ELAPOR1: variants seen among roughly 807,000 people sequenced by gnomAD.
The protein encoded by ELAPOR1 is endosome-lysosome associated apoptosis and autophagy regulator 1.
In ELAPOR1, 77 loss-of-function variants were observed where a neutral mutation model predicts 119.7. The observed-to-expected ratio is 0.64, with a 90% CI of 0.54 to 0.78. ELAPOR1 has a LOEUF of 0.78. ELAPOR1 is among the 30% of genes least tolerant of loss of function. The pLI, the probability that ELAPOR1 is intolerant of heterozygous loss-of-function variation, is 0.00. For missense variants in ELAPOR1, 1,115 were observed against 1,270.4 expected, an observed-to-expected ratio of 0.88 and a Z score of 1.86; for synonymous variants, 481 against 487.2, an observed-to-expected ratio of 0.99 and a Z score of 0.17.
intron 1 of ELAPOR1, among the ~76,000 whole-genome samples, chr1:109,145,074 TG>T (rs1650094101): frequency 6.6e-6 from 1 of 152,016 alleles, no homozygotes. Flanking sequence ...GGGGAAAGGG[TG>T]GGGCCTTTAA....
At chr1:109,137,156 G>T (rs1649524163) in intron 1 of ELAPOR1, among the ~76,000 whole-genome samples, 1 of 152,142 alleles carries the variant, frequency 6.6e-6, no homozygotes, top group African/African-American at 2.4e-5. Flanking sequence ...TGTCACTCTG[G>T]AGGGGTAAGT....
chr1:109,195,002 C>G (rs1003795751), intron 15 of ELAPOR1, among the ~76,000 whole-genome samples: 1 of 151,952 alleles, frequency 6.6e-6, no homozygotes, highest in Non-Finnish European at 1.5e-5. Context: ...CCCAGCTACT[C>G]GAGAGGCTGA....
chr1:109,173,580 G>C lies in ELAPOR1; in HGVS notation c.802+1G>C. 1 of 1,614,016 alleles carries C rather than the reference G, an allele frequency of 6.2e-7. No homozygotes were observed. The highest frequency in any genetic ancestry group is 8.5e-7 in the Non-Finnish European group (1 of 1,179,928). On this transcript the variant is annotated splice_donor_variant, in intron 6 of 21. Transcript: ENST00000369939. LOFTEE classifies it high-confidence loss of function. ...CTGGTGAGAAACATTGCCATAACAG[G>C]TACTGAGAGCAGGGTTACTGACTTC...
intron 7 of ELAPOR1, among the ~76,000 whole-genome samples, chr1:109,180,101 G>A (rs1391263720): frequency 6.6e-6 from 1 of 152,160 alleles, no homozygotes; most frequent in African/African-American, 2.4e-5. Context: ...ACTCACAGGA[G>A]CATTGTGAAG....
At chr1:109,119,303 C>A (rs1230241920) in intron 1 of ELAPOR1, among the ~76,000 whole-genome samples, 1 of 151,426 alleles carries the variant, frequency 6.6e-6, no homozygotes, top group Non-Finnish European at 1.5e-5. Context: ...CTCAAGCCAT[C>A]CTCCCATCTC....
intron 1 of ELAPOR1, among the ~76,000 whole-genome samples, chr1:109,160,800 A>G (rs908119040): frequency 4.6e-5 from 7 of 152,186 alleles, no homozygotes; most frequent in Admixed American, 3.9e-4. Flanking sequence ...CACTAATTCC[A>G]TGGTCTGTTG....
At position 109,192,883 on chromosome 1, in the gene ELAPOR1, A is replaced by G. The variant is rs1653542814; in HGVS notation, c.1947+9A>G. 1 of 1,612,616 alleles carries G rather than the reference A, an allele frequency of 6.2e-7. No homozygotes were observed. The highest frequency in any genetic ancestry group is 1.7e-5 in the Admixed American group (1 of 59,812). On this transcript the variant is annotated intron_variant, in intron 14 of 21. Transcript: ENST00000369939. ...GGACCAAGAACAACAAGGTACCTGT[A>G]GTCTGGCATGCATCCTAAACCTGAC...
intron 3 of ELAPOR1, among the ~76,000 whole-genome samples, chr1:109,167,145 T>A (rs1245289740): frequency 6.6e-6 from 1 of 152,184 alleles, no homozygotes; most frequent in South Asian, 2.1e-4. Flanking sequence ...TAACTGAGAA[T>A]GTCATTAGGC....
At chr1:109,119,504 C>G (rs1299510108) in intron 1 of ELAPOR1, among the ~76,000 whole-genome samples, 1 of 146,478 alleles carries the variant, frequency 6.8e-6, no homozygotes, top group African/African-American at 2.5e-5. Context: ...TTTTTTTTCA[C>G]ATGTATGTCT....
chr1:109,164,639 G>A lies in ELAPOR1; in HGVS notation c.415G>A (p.Ala139Thr). Residue 139 changes from alanine to threonine, a missense_variant, in exon 3 of 22, where the codon GCC (alanine) becomes ACC (threonine). Transcript: ENST00000369939. The part of the protein sequence containing the change: ...ELPHGFASLS[A>T]NMELDDSAAE... The stretch of plus-strand genomic sequence containing the variant: ...GCCCCATGGCTTTGCCAGCCTCTCA[G>A]CCAACATGGAGCTGGATGACAGTGC... The A allele has an allele frequency of 1.9e-6, 3 of 1,614,256 alleles. No homozygotes were observed. Among genetic ancestry groups the A allele is most frequent in the Non-Finnish European group, 2.5e-6 (3 of 1,180,038 alleles).
chr1:109,149,429 G>C (rs910904950), intron 1 of ELAPOR1, among the ~76,000 whole-genome samples: 1 of 152,092 alleles, frequency 6.6e-6, no homozygotes, highest in Non-Finnish European at 1.5e-5. Flanking sequence ...TCTTAGCAGG[G>C]TGTTACCCTC....
intron 1 of ELAPOR1, among the ~76,000 whole-genome samples, chr1:109,155,441 G>C (rs956968090): frequency 6.6e-5 from 10 of 152,126 alleles, no homozygotes; most frequent in African/African-American, 2.4e-4. Context: ...GCCTCCCAAA[G>C]TGCTGGGATT....
intron 1 of ELAPOR1, among the ~76,000 whole-genome samples, chr1:109,153,303 TC>T (rs1347867814): frequency 6.6e-6 from 1 of 152,088 alleles, no homozygotes; most frequent in Non-Finnish European, 1.5e-5. Context: ...TAATTCCACT[TC>T]TGGGAATTTA....
At chr1:109,127,546 T>G (rs1474654515) in intron 1 of ELAPOR1, among the ~76,000 whole-genome samples, 1 of 151,834 alleles carries the variant, frequency 6.6e-6, no homozygotes, top group Non-Finnish European at 1.5e-5. Flanking sequence ...AAGGCTGATA[T>G]GATGTTACCT....
At chr1:109,200,706 C>T (rs780523564) in intron 20 of ELAPOR1, 29 bp from the exon 21 acceptor site, 3 of 1,605,132 alleles carry the variant, frequency 1.9e-6, no homozygotes, top group Non-Finnish European at 2.6e-6. Flanking sequence ...ATTTTGGGAT[C>T]TTGTCTTTCC....
At chr1:109,177,847 T>C (rs1178903822) in intron 7 of ELAPOR1, among the ~76,000 whole-genome samples, 1 of 152,132 alleles carries the variant, frequency 6.6e-6, no homozygotes, top group Admixed American at 6.5e-5. Flanking sequence ...GAAAAACTTC[T>C]CATAGAAGTG....
chr1:109,117,292 C>T (rs903517156), intron 1 of ELAPOR1, among the ~76,000 whole-genome samples: 19 of 152,200 alleles, frequency 1.2e-4, no homozygotes, highest in African/African-American at 4.3e-4. Flanking sequence ...GTATGATATT[C>T]GTTTTCATGA....
intron 1 of ELAPOR1, among the ~76,000 whole-genome samples, chr1:109,139,521 G>A (rs1355348081): frequency 2.0e-5 from 3 of 152,164 alleles, no homozygotes; most frequent in East Asian, 3.9e-4. Flanking sequence ...TGGCCAGTGT[G>A]GTAGTCACAA....
At chr1:109,123,072 T>A (rs571624416) in intron 1 of ELAPOR1, among the ~76,000 whole-genome samples, 69 of 152,368 alleles carry the variant, frequency 4.5e-4, no homozygotes, top group African/African-American at 1.3e-3. Context: ...GTGGCTGATC[T>A]ATGCTGGGCT....
Sources: gnomAD v4.1 joint callset for allele counts (sites outside exome capture counted in the v4.1 genomes callset) on GRCh38, gnomAD v4.1.1 for gene constraint, MANE v1.5 for transcripts, NCBI Gene and HGNC (gene_info 2026-07-23, HGNC 2026-07-21) for gene names.